GRIP1: variants seen among roughly 807,000 people sequenced by gnomAD.
The protein encoded by GRIP1 is glutamate receptor interacting protein 1, also known as glutamate receptor-interacting protein 1.
Under a neutral mutation model 129.9 loss-of-function variants are expected in GRIP1, and 45 were observed. That is an observed-to-expected ratio of 0.35 (90% CI 0.27 to 0.44). GRIP1 has a LOEUF of 0.44. Among genes scored for constraint, GRIP1 ranks in the 20% least tolerant of loss-of-function variants. The pLI is 1.00. For synonymous variants in GRIP1, 530 were observed against 520.8 expected (o/e 1.02, Z -0.24); for missense variants, 1,196 against 1,396.8 (o/e 0.86, Z 2.29).
chr12:66,654,641 G>C (rs2033025565), intron 1 of GRIP1, among the ~76,000 whole-genome samples: 1 of 152,178 alleles, frequency 6.6e-6, no homozygotes, highest in Non-Finnish European at 1.5e-5. Flanking sequence ...GCAGGACAAA[G>C]GTGTGATAAG....
chr12:66,727,629 C>T (rs904506260), intron 1 of GRIP1, among the ~76,000 whole-genome samples: 3 of 152,050 alleles, frequency 2.0e-5, no homozygotes, highest in Admixed American at 1.3e-4. Context: ...CTAACTGACA[C>T]AAAAGGGAAA....
intron 1 of GRIP1, among the ~76,000 whole-genome samples, chr12:66,930,055 C>CT (rs202119349): frequency 0.029 from 3,685 of 128,710 alleles, 65 homozygotes; most frequent in Middle Eastern, 0.057. Flanking sequence ...CTCTCTCTCT[C>CT]TTTTTTTTTT....
At chr12:66,472,679 C>A (rs1393502696) in intron 7 of GRIP1, among the ~76,000 whole-genome samples, 1 of 152,154 alleles carries the variant, frequency 6.6e-6, no homozygotes, top group Admixed American at 6.5e-5. Context: ...GAAGGGCAAG[C>A]CGAAGCAGGG....
At chr12:66,770,598 A>G (rs12822947) in intron 1 of GRIP1, among the ~76,000 whole-genome samples, 48,010 of 152,074 alleles carry the variant, frequency 0.32, 7,913 homozygotes, top group Non-Finnish European at 0.37. Context: ...AGAGGCCCGT[A>G]AAGTGGCCAG....
At chr12:66,618,415 G>C (rs965954686) in intron 1 of GRIP1, among the ~76,000 whole-genome samples, 11 of 152,000 alleles carry the variant, frequency 7.2e-5, no homozygotes, top group Non-Finnish European at 1.3e-4. Flanking sequence ...GTAGAAACTG[G>C]CTGGTGGGGG....
intron 2 of GRIP1, among the ~76,000 whole-genome samples, chr12:66,553,038 C>CT (rs2062195242): frequency 6.6e-6 from 1 of 152,304 alleles, no homozygotes; most frequent in Non-Finnish European, 1.5e-5. Context: ...TTGGCTTTCT[C>CT]TATCCTAACA....
At chr12:66,582,793 G>T (rs1240711344) in intron 2 of GRIP1, among the ~76,000 whole-genome samples, 4 of 145,342 alleles carry the variant, frequency 2.8e-5, no homozygotes. Flanking sequence ...CATGCTCATG[G>T]GTAGGAAGAA....
In GRIP1 at chr12:66,857,201, C is replaced by T. The variant is rs543778179; in HGVS notation, c.58+211849G>A. Among the ~76,000 whole-genome samples, 6 of 144,386 alleles carry T rather than the reference C, an allele frequency of 4.2e-5. No individual in the cohort carries two copies. In the South Asian group the frequency reaches 1.4e-3, roughly 33 times the overall value. 94.7% of individuals were successfully genotyped at this position (144,386 alleles called of 152,430 possible). A position where few individuals can be genotyped will look rare whatever the true frequency, so the allele number is the denominator to read the frequency against. Reference sequence around the variant, plus strand: ...GAACACATGGACACAGGAAGAGGAACATCACACACCGGGGCCTGTTGTGGG... The same window carrying T: ...GAACACATGGACACAGGAAGAGGAATATCACACACCGGGGCCTGTTGTGGG... On this transcript the variant is annotated intron_variant, in intron 1 of 1. Coordinates refer to the GRIP1 transcript ENST00000643019.
At chr12:67,067,828 G>A (rs756480539) in intron 1 of GRIP1, among the ~76,000 whole-genome samples, 1 of 152,080 alleles carries the variant, frequency 6.6e-6, no homozygotes, top group Non-Finnish European at 1.5e-5. Flanking sequence ...TGACAACACT[G>A]CCTTCTCCAC....
chr12:66,374,319 C>T (rs1462810792), intron 22 of GRIP1, among the ~76,000 whole-genome samples: 1 of 152,144 alleles, frequency 6.6e-6, no homozygotes, highest in Non-Finnish European at 1.5e-5. Flanking sequence ...TCCCAAGTAG[C>T]TGGGATGACA....
chr12:66,617,536 G>C (rs1395154914), intron 1 of GRIP1, among the ~76,000 whole-genome samples: 1 of 151,870 alleles, frequency 6.6e-6, no homozygotes, highest in South Asian at 2.1e-4. Flanking sequence ...AAAGAAAGTG[G>C]AAGTTCCAGG....
At chr12:66,653,451 AC>A (rs1340323351) in intron 1 of GRIP1, among the ~76,000 whole-genome samples, 1 of 152,226 alleles carries the variant, frequency 6.6e-6, no homozygotes, top group Admixed American at 6.5e-5. Flanking sequence ...GAATCAGTGA[AC>A]AATCTCACAC....
At chr12:66,950,842 A>G (rs942056092) in intron 1 of GRIP1, among the ~76,000 whole-genome samples, 4 of 152,226 alleles carry the variant, frequency 2.6e-5, no homozygotes, top group Non-Finnish European at 5.9e-5. Context: ...ACAGTGGCCA[A>G]TGTGTAGGTT....
At chr12:66,400,663 A>G (rs1010016856) in intron 16 of GRIP1, among the ~76,000 whole-genome samples, 3 of 152,208 alleles carry the variant, frequency 2.0e-5, no homozygotes, top group Non-Finnish European at 4.4e-5. Flanking sequence ...GTATTGATTT[A>G]TGGTCTCCAA....
Position 66,736,346 on chromosome 12 carries a change from A to ATTTTTTTTTTTTTTTTTT in GRIP1, c.-420+67689_-420+67706dup, listed in dbSNP as rs547706592. 1.0e-4 allele frequency among the ~76,000 whole-genome samples: 7 copies of ATTTTTTTTTTTTTTTTTT among 67,022 alleles called. 2 individuals carry two copies. Among genetic ancestry groups the ATTTTTTTTTTTTTTTTTT allele is most frequent in the South Asian group, 6.5e-4 (1 of 1,538 alleles). The allele number at this position is 67,022 out of a possible 152,430, so 44.0% of individuals were successfully genotyped here. ...AGGTGTGCACCACCGTGCCTGGCTA[A>ATTTTTTTTTTTTTTTTTT]TTTTTTTTTTTTTTTTTTTTTTTTT... On this transcript the variant is annotated intron_variant, in intron 1 of 4. Transcript: ENST00000538373.
chr12:66,963,304 C>T (rs776732570), intron 1 of GRIP1, among the ~76,000 whole-genome samples: 6 of 151,844 alleles, frequency 4.0e-5, no homozygotes, highest in East Asian at 1.9e-4. Context: ...AAGAGTGAGA[C>T]GCTGTCTCAA....
chr12:66,554,412 T>G (rs1009608064), intron 2 of GRIP1, among the ~76,000 whole-genome samples: 1 of 152,156 alleles, frequency 6.6e-6, no homozygotes, highest in Non-Finnish European at 1.5e-5. Flanking sequence ...GTACATGCCA[T>G]GGGCCTTGGG....
chr12:66,618,913 T>C (rs1004592725), intron 1 of GRIP1, among the ~76,000 whole-genome samples: 7 of 152,138 alleles, frequency 4.6e-5, no homozygotes, highest in African/African-American at 1.2e-4. Context: ...ATAAAGAATA[T>C]ATTTATTTAT....
chr12:66,376,729 A>G (rs2055802683), intron 22 of GRIP1, among the ~76,000 whole-genome samples: 1 of 152,252 alleles, frequency 6.6e-6, no homozygotes, highest in South Asian at 2.1e-4. Flanking sequence ...ATTAATTTCT[A>G]TTCCAGGTAC....
Sources: allele counts gnomAD v4.1 joint callset (sites outside exome capture counted in the v4.1 genomes callset), GRCh38; gene constraint gnomAD v4.1.1; transcripts MANE v1.5; gene names NCBI Gene and HGNC (gene_info 2026-07-23, HGNC 2026-07-21).